The following FAM50B variants were observed in gnomAD, a reference collection of about 807,000 sequenced individuals.
The protein encoded by FAM50B is protein FAM50B.
Under a neutral mutation model 25.4 loss-of-function variants are expected in FAM50B, and 9 were observed. That is an observed-to-expected ratio of 0.35 (90% CI 0.21 to 0.62). The LOEUF (loss-of-function observed/expected upper bound fraction) is 0.62, where lower values mean the gene tolerates loss of function less well. Among genes scored for constraint, FAM50B ranks in the 20% least tolerant of loss-of-function variants. FAM50B has a pLI of 0.73. For missense variants in FAM50B, 372 were observed against 477.9 expected, an observed-to-expected ratio of 0.78 and a Z score of 2.07; for synonymous variants, 212 against 204.3, an observed-to-expected ratio of 1.04 and a Z score of -0.32.
At chr6:3,836,587 T>G in the FAM50B span, among the ~76,000 whole-genome samples, 1 of 152,062 alleles carries the variant, frequency 6.6e-6, no homozygotes, top group Non-Finnish European at 1.5e-5. Context: ...ATCTAGCAAG[T>G]TAATTTTGGT....
the FAM50B span, among the ~76,000 whole-genome samples, chr6:3,838,691 A>G: frequency 9.2e-5 from 14 of 152,138 alleles, no homozygotes; most frequent in African/African-American, 3.1e-4. Flanking sequence ...AAATACAAAA[A>G]ATTAGCAGGC....
chr6:3,833,269 A>T, the FAM50B span, among the ~76,000 whole-genome samples: 129 of 152,336 alleles, frequency 8.5e-4, 1 homozygote, highest in East Asian at 0.022. Context: ...AGAGCTGAGA[A>T]TTTAGAATCA....
At chr6:3,842,208 G>T in the FAM50B span, among the ~76,000 whole-genome samples, 2 of 152,234 alleles carry the variant, frequency 1.3e-5, no homozygotes, top group Non-Finnish European at 2.9e-5. Context: ...TTGAAAACAA[G>T]AGGAGAGGAC....
the FAM50B span, among the ~76,000 whole-genome samples, chr6:3,840,043 A>G: frequency 3.9e-5 from 6 of 152,108 alleles, no homozygotes; most frequent in South Asian, 2.1e-4. Context: ...CCCAGGCTGG[A>G]GTGCAGTGGC....
At chr6:3,845,314 G>T (rs1561773434), upstream of FAM50B, among the ~76,000 whole-genome samples, 1 of 152,126 alleles carries the variant, frequency 6.6e-6, no homozygotes, top group Non-Finnish European at 1.5e-5. Flanking sequence ...AGTATTTGGA[G>T]GCCGTGACTG....
At chr6:3,833,949 A>G in the FAM50B span, 1 of 152,224 alleles carries the variant, frequency 6.6e-6, no homozygotes, top group Non-Finnish European at 1.5e-5. Context: ...TAGAATATAC[A>G]ATACAAGCAA....
the FAM50B span, among the ~76,000 whole-genome samples, chr6:3,840,735 C>G: frequency 6.6e-6 from 1 of 152,204 alleles, no homozygotes; most frequent in African/African-American, 2.4e-5. Flanking sequence ...TTTTCTGCCA[C>G]GTGTGCCCTG....
At chr6:3,844,399 A>T (rs1762098064), upstream of FAM50B, among the ~76,000 whole-genome samples, 1 of 152,226 alleles carries the variant, frequency 6.6e-6, no homozygotes, top group South Asian at 2.1e-4. Flanking sequence ...TAAATCAATG[A>T]CTATGATGAT....
Position 3,850,417 on chromosome 6 carries a change from G to T in FAM50B, c.606G>T (p.Arg202=). 1 of 1,613,398 alleles carries T rather than the reference G, an allele frequency of 6.2e-7. No homozygotes were observed. Among genetic ancestry groups the T allele is most frequent in the South Asian group, 1.1e-5 (1 of 91,072 alleles). The part of the protein sequence containing the change: ...WDGSGHRRTV[R]VRKGNTVQQF... ...GCTCGGGCCACCGGCGCACGGTGCGGGTGCGCAAGGGCAACACGGTGCAGC... is the reference window on the plus strand; with the variant it reads ...GCTCGGGCCACCGGCGCACGGTGCGTGTGCGCAAGGGCAACACGGTGCAGC... The change falls in exon 2 of 2, where the codon CGG becomes CGT. Residue 202 remains arginine, a synonymous_variant. Transcript: ENST00000648326.
chr6:3,838,290 A>C, the FAM50B span, among the ~76,000 whole-genome samples: 186 of 151,914 alleles, frequency 1.2e-3, no homozygotes, highest in Middle Eastern at 3.4e-3. Context: ...CAGCCTGGGC[A>C]ACAGAGCAAG....
chr6:3,832,682 A>T, the FAM50B span, among the ~76,000 whole-genome samples: 1 of 152,100 alleles, frequency 6.6e-6, no homozygotes, highest in Non-Finnish European at 1.5e-5. Flanking sequence ...CAGTTCTGAG[A>T]TACACTCCGG....
At chr6:3,846,227 C>A (rs1168597898), upstream of FAM50B, among the ~76,000 whole-genome samples, 1 of 152,138 alleles carries the variant, frequency 6.6e-6, no homozygotes, top group Admixed American at 6.5e-5. Context: ...TAGACAAGAA[C>A]AAGAATACAG....
chr6:3,850,186 C>T lies in FAM50B; in HGVS notation c.375C>T (p.Asp125=), dbSNP rs1312830817. ...RKISCLSFAL[D]DLDDQADAAE... The stretch of plus-strand genomic sequence containing the variant: ...TCTCCTGCCTGTCCTTTGCACTAGA[C>T]GACCTCGATGACCAGGCCGACGCGG... The change falls in exon 2 of 2, where the codon GAC becomes GAT. Residue 125 remains aspartate, a synonymous_variant. Coordinates refer to ENST00000648326, the MANE Select transcript of FAM50B (RefSeq NM_012135.3). 2.5e-6 allele frequency: 4 copies of T among 1,613,424 alleles called. No individual in the cohort carries two copies. The highest frequency in any genetic ancestry group is 2.2e-5 in the East Asian group (1 of 44,866).
chr6:3,845,453 G>T (rs1018151720), upstream of FAM50B, among the ~76,000 whole-genome samples: 7 of 152,136 alleles, frequency 4.6e-5, no homozygotes, highest in Non-Finnish European at 8.8e-5. Context: ...ATAGTCGATT[G>T]AATTAAAGTT....
chr6:3,847,371 A>G (rs980599124), upstream of FAM50B, among the ~76,000 whole-genome samples: 3 of 152,234 alleles, frequency 2.0e-5, no homozygotes, highest in African/African-American at 7.2e-5. Flanking sequence ...CAGCTTCTCC[A>G]TCACACTTGC....
the FAM50B span, among the ~76,000 whole-genome samples, chr6:3,836,422 A>G: frequency 6.6e-6 from 1 of 152,142 alleles, no homozygotes; most frequent in Non-Finnish European, 1.5e-5. Context: ...GGAAGCTTTC[A>G]CCTTTTACAT....
chr6:3,849,734 C>G, intron 1 of FAM50B, 55 bp from the exon 2 acceptor site: 1 of 1,489,360 alleles, frequency 6.7e-7, no homozygotes, highest in South Asian at 1.3e-5. Context: ...GCTGAGCATT[C>G]CCCGCCGTTG....
chr6:3,837,862 A>G, the FAM50B span, among the ~76,000 whole-genome samples: 1 of 152,214 alleles, frequency 6.6e-6, no homozygotes. Flanking sequence ...CCATTAATCC[A>G]TGAAATAATC....
the FAM50B span, among the ~76,000 whole-genome samples, chr6:3,832,327 A>C: frequency 9.1e-4 from 139 of 152,192 alleles, 1 homozygote; most frequent in Non-Finnish European, 1.6e-3. Flanking sequence ...TGTGTGTATC[A>C]CTTCCTTAAC....
Sources: allele counts gnomAD v4.1 joint callset (sites outside exome capture counted in the v4.1 genomes callset), GRCh38; gene constraint gnomAD v4.1.1; transcripts MANE v1.5; gene names NCBI Gene and HGNC (gene_info 2026-07-23, HGNC 2026-07-21).